The following GRID2 variants were observed in gnomAD, a reference collection of about 807,000 sequenced individuals.
GRID2 encodes glutamate receptor ionotropic, delta-2.
A neutral mutation model predicts 114.8 loss-of-function variants in GRID2; 33 were observed. That is an observed-to-expected ratio of 0.29 (90% CI 0.22 to 0.38). GRID2 has a LOEUF of 0.38. Ranked by LOEUF, GRID2 falls within the 10% of genes least tolerant of loss-of-function variation. GRID2 has a pLI of 1.00. For missense variants in GRID2, 1,184 were observed against 1,257.7 expected, an observed-to-expected ratio of 0.94 and a Z score of 0.89; for synonymous variants, 505 against 449.9, an observed-to-expected ratio of 1.12 and a Z score of -1.55.
intron 8 of GRID2, among the ~76,000 whole-genome samples, chr4:93,290,785 G>C (rs1753651735): frequency 6.7e-6 from 1 of 148,632 alleles, no homozygotes; most frequent in African/African-American, 2.5e-5. Flanking sequence ...ATAATATTCT[G>C]TGTTTTGCAA....
At chr4:93,165,108 C>A (rs561477270) in intron 4 of GRID2, among the ~76,000 whole-genome samples, 62 of 151,952 alleles carry the variant, frequency 4.1e-4, no homozygotes, top group South Asian at 8.3e-4. Context: ...GTAATTCCTG[C>A]AAAGGGTTTA....
chr4:92,304,759 G>A lies in GRID2; in HGVS notation c.88+15G>A, dbSNP rs763498246. 1.3e-6 allele frequency: 2 copies of A among 1,567,132 alleles called. No individual in the cohort carries two copies. Among genetic ancestry groups the A allele is most frequent in the Non-Finnish European group, 8.8e-7 (1 of 1,136,996 alleles). ...CATTCACATCGGTAAGAAAGTGTTG[G>A]TGCAGCTCGTGGTTACTTTTACCGT... On this transcript the variant is annotated intron_variant, in intron 1 of 15. Transcript: ENST00000282020.
intron 4 of GRID2, among the ~76,000 whole-genome samples, chr4:93,184,882 A>G (rs1740255758): frequency 1.3e-5 from 2 of 151,870 alleles, no homozygotes; most frequent in African/African-American, 2.4e-5. Context: ...ACTCTGTCTG[A>G]AAAAAAACAC....
intron 1 of GRID2, among the ~76,000 whole-genome samples, chr4:92,307,569 T>C (rs1379909567): frequency 2.6e-5 from 4 of 152,162 alleles, no homozygotes; most frequent in Non-Finnish European, 2.9e-5. Flanking sequence ...TTTAATAAGG[T>C]CAATTACACA....
At chr4:93,793,028 T>G (rs560750371) in intron 1 of GRID2, among the ~76,000 whole-genome samples, 1 of 152,346 alleles carries the variant, frequency 6.6e-6, no homozygotes, top group African/African-American at 2.4e-5. Context: ...CTTTTTAACC[T>G]ATTTTTCAAT....
chr4:93,190,589 C>T lies in GRID2; in HGVS notation c.736-16815C>T, dbSNP rs1461775370. Among the ~76,000 whole-genome samples, 3 of 152,136 alleles carry T rather than the reference C, an allele frequency of 2.0e-5. No homozygotes were observed. The South Asian group carries it at 6.2e-4, about 32-fold the overall frequency. On this transcript the variant is annotated intron_variant, in intron 4 of 15. Coordinates refer to ENST00000282020, the MANE Select transcript of GRID2 (RefSeq NM_001510.4). ...TCTTGGCTCTCAATAACATTTTTTC[C>T]ATTTGAAATGTTTCCTTTTTAAGTT...
chr4:93,113,020 G>C (rs1732912966), intron 4 of GRID2, among the ~76,000 whole-genome samples: 1 of 152,116 alleles, frequency 6.6e-6, no homozygotes, highest in East Asian at 1.9e-4. Flanking sequence ...ATATAAATTT[G>C]AGAAGGAGGT....
At chr4:93,434,277 TGAGA>T (rs1470979052) in intron 10 of GRID2, among the ~76,000 whole-genome samples, 2 of 152,062 alleles carry the variant, frequency 1.3e-5, no homozygotes, top group African/African-American at 4.8e-5. Flanking sequence ...TGTGGGGAAG[TGAGA>T]GAAAGACCAA....
chr4:93,719,346 A>G lies in GRID2; in HGVS notation c.2361-49864A>G, dbSNP rs185187753. On this transcript the variant is annotated intron_variant, in intron 14 of 15. Coordinates refer to ENST00000282020, the MANE Select transcript of GRID2 (RefSeq NM_001510.4). ...AAATTTGTGAAAAGTTATTTTTTCTAATCTTGGGTTAGAATAAAACCAGAA... is the reference window on the plus strand; with the variant it reads ...AAATTTGTGAAAAGTTATTTTTTCTGATCTTGGGTTAGAATAAAACCAGAA... 2.6e-3 allele frequency among the ~76,000 whole-genome samples: 396 copies of G among 152,228 alleles called. 2 individuals carry two copies. Among genetic ancestry groups the G allele is most frequent in the African/African-American group, 9.0e-3 (376 of 41,560 alleles).
chr4:93,021,695 A>G (rs1723349557), intron 2 of GRID2, among the ~76,000 whole-genome samples: 1 of 145,252 alleles, frequency 6.9e-6, no homozygotes, highest in South Asian at 2.1e-4. Context: ...TATAATATGT[A>G]TATTATGAAT....
intron 13 of GRID2, among the ~76,000 whole-genome samples, chr4:93,575,623 T>A (rs1736350791): frequency 6.6e-6 from 1 of 152,098 alleles, no homozygotes; most frequent in East Asian, 1.9e-4. Context: ...GTTATAAAAA[T>A]TAAATTAGTT....
At chr4:92,686,778 T>C (rs1039973352) in intron 2 of GRID2, among the ~76,000 whole-genome samples, 2 of 152,106 alleles carry the variant, frequency 1.3e-5, no homozygotes, top group Non-Finnish European at 2.9e-5. Flanking sequence ...TTCTAAGGGA[T>C]ACTAATTGTG....
intron 9 of GRID2, among the ~76,000 whole-genome samples, chr4:93,395,986 G>A (rs1289469795): frequency 1.3e-5 from 2 of 151,834 alleles, no homozygotes; most frequent in Non-Finnish European, 1.5e-5. Flanking sequence ...ACAAAGTAAA[G>A]GTATGTCTCA....
rs377391496 is a variant in GRID2, at chr4:93,681,669, A to T, written c.2360+55234A>T. 5.9e-5 allele frequency among the ~76,000 whole-genome samples: 9 copies of T among 152,360 alleles called. No individual in the cohort carries two copies. The South Asian group carries it at 1.4e-3, about 25-fold the overall frequency. On this transcript the variant is annotated intron_variant, in intron 14 of 15. Transcript: ENST00000282020. ...ATCTTTGACAAACCTGACAAAAACA[A>T]CCAATGGGGAAAGGATTCCCTATTT...
chr4:92,561,722 C>A (rs1040540766), intron 1 of GRID2, among the ~76,000 whole-genome samples: 2 of 152,120 alleles, frequency 1.3e-5, no homozygotes, highest in Non-Finnish European at 2.9e-5. Context: ...AAATTTTTTA[C>A]ATTAGTTCTA....
At chr4:93,008,167 C>G (rs771485543) in intron 2 of GRID2, among the ~76,000 whole-genome samples, 6 of 151,904 alleles carry the variant, frequency 3.9e-5, no homozygotes, top group Non-Finnish European at 8.8e-5. Flanking sequence ...TCTTAACTTT[C>G]TCTCAAAGAG....
chr4:92,438,338 A>G (rs1211825244), intron 1 of GRID2, among the ~76,000 whole-genome samples: 1 of 152,192 alleles, frequency 6.6e-6, no homozygotes, highest in East Asian at 1.9e-4. Flanking sequence ...ATAGGCTGCC[A>G]GGAATCTCGG....
At chr4:93,575,794 G>A (rs1736367620) in intron 13 of GRID2, among the ~76,000 whole-genome samples, 1 of 152,040 alleles carries the variant, frequency 6.6e-6, no homozygotes, top group Non-Finnish European at 1.5e-5. Context: ...GATTTCTTGA[G>A]TAATTCACAC....
chr4:92,742,045 T>C (rs1736916833), intron 2 of GRID2, among the ~76,000 whole-genome samples: 1 of 152,192 alleles, frequency 6.6e-6, no homozygotes, highest in South Asian at 2.1e-4. Flanking sequence ...AGAAATGTCA[T>C]TCTTTTTTAA....
Sources: allele counts gnomAD v4.1 joint callset (sites outside exome capture counted in the v4.1 genomes callset), GRCh38; gene constraint gnomAD v4.1.1; transcripts MANE v1.5; gene names NCBI Gene and HGNC (gene_info 2026-07-23, HGNC 2026-07-21).